CSMD1: variants seen among roughly 807,000 people sequenced by gnomAD.
CSMD1 encodes CUB and sushi domain-containing protein 1.
A neutral mutation model predicts 417.5 loss-of-function variants in CSMD1; 213 were observed. The observed-to-expected ratio is 0.51, with a 90% confidence interval of 0.46 to 0.57. The LOEUF (loss-of-function observed/expected upper bound fraction) is 0.57. Ranked by LOEUF, CSMD1 falls within the 20% of genes least tolerant of loss-of-function variation. CSMD1 has a pLI of 0.00. For missense variants in CSMD1, 6,923 were observed against 4,529.7 expected (o/e 1.53, Z -15.17); for synonymous variants, 2,862 against 1,736.8 (o/e 1.65, Z -16.11).
chr8:3,009,369 A>C (rs605681), intron 52 of CSMD1, among the ~76,000 whole-genome samples: 5,351 of 152,316 alleles, frequency 0.035, 288 homozygotes, highest in African/African-American at 0.12. Context: ...AATACATTAC[A>C]AATATCCTGG....
intron 8 of CSMD1, among the ~76,000 whole-genome samples, chr8:3,591,076 C>T (rs184047250): frequency 3.4e-4 from 51 of 152,224 alleles, no homozygotes; most frequent in Admixed American, 2.6e-3. Flanking sequence ...TACTTTAGTC[C>T]GCCCTAGATT....
chr8:4,477,735 A>T (rs1800881903), intron 2 of CSMD1, among the ~76,000 whole-genome samples: 1 of 152,166 alleles, frequency 6.6e-6, no homozygotes, highest in African/African-American at 2.4e-5. Context: ...ACCAAAAGCC[A>T]TTCTTGTCCA....
At chr8:4,196,422 G>C (rs968361086) in intron 3 of CSMD1, among the ~76,000 whole-genome samples, 1 of 152,096 alleles carries the variant, frequency 6.6e-6, no homozygotes, top group Non-Finnish European at 1.5e-5. Context: ...GGCGTTTTCA[G>C]GCTACAGTCC....
chr8:4,198,077 G>C (rs146458536), intron 3 of CSMD1, among the ~76,000 whole-genome samples: 1 of 152,238 alleles, frequency 6.6e-6, no homozygotes, highest in East Asian at 1.9e-4. Context: ...AGCGCAAAGC[G>C]AGGGAAGTCT....
At chr8:4,459,911 ACAAT>A (rs1487187276) in intron 2 of CSMD1, among the ~76,000 whole-genome samples, 15 of 152,192 alleles carry the variant, frequency 9.9e-5, no homozygotes, top group African/African-American at 3.1e-4. Context: ...TGCCAAATAA[ACAAT>A]CAAACAATAA....
rs899683306 is a variant in CSMD1, at chr8:4,203,971, C to T, written c.416-171872G>A. ...CAAAAATTAGCCAGGTGTGGTGGTG[C>T]ACGCCTGTGGTCCCAGCTACTCGGA... On this transcript the variant is annotated intron_variant, in intron 3 of 69. Coordinates refer to ENST00000635120, the MANE Select transcript of CSMD1 (RefSeq NM_033225.6). Among the ~76,000 whole-genome samples the T allele has an allele frequency of 2.0e-5, 3 of 151,980 alleles. No individual in the cohort carries two copies. The East Asian group carries it at 5.8e-4, about 29-fold the overall frequency.
chr8:4,725,508 C>G (rs1809369774), intron 1 of CSMD1, among the ~76,000 whole-genome samples: 1 of 152,130 alleles, frequency 6.6e-6, no homozygotes, highest in Non-Finnish European at 1.5e-5. Flanking sequence ...AAGGGCATAT[C>G]GCACAGAGAT....
chr8:3,256,862 T>G (rs1800693078), intron 26 of CSMD1, among the ~76,000 whole-genome samples: 1 of 152,334 alleles, frequency 6.6e-6, no homozygotes, highest in East Asian at 1.9e-4. Flanking sequence ...GTAGTTATGT[T>G]AGGAGGAGAT....
intron 1 of CSMD1, among the ~76,000 whole-genome samples, chr8:4,877,540 C>T (rs1261552692): frequency 6.6e-6 from 1 of 152,072 alleles, no homozygotes; most frequent in Non-Finnish European, 1.5e-5. Flanking sequence ...TTCTTCATAT[C>T]AATGCATTGC....
intron 5 of CSMD1, among the ~76,000 whole-genome samples, chr8:3,967,009 T>C (rs185824471): frequency 6.6e-6 from 1 of 152,138 alleles, no homozygotes; most frequent in African/African-American, 2.4e-5. Context: ...GAGTGTCAAT[T>C]GGTGAAATAA....
intron 3 of CSMD1, among the ~76,000 whole-genome samples, chr8:4,281,913 G>A (rs563071404): frequency 6.6e-5 from 10 of 152,280 alleles, no homozygotes; most frequent in African/African-American, 1.7e-4. Flanking sequence ...GTTAAGTGAC[G>A]TTTTGATGAC....
At chr8:3,291,843 CTTAG>C (rs1228963971) in intron 25 of CSMD1, among the ~76,000 whole-genome samples, 10 of 152,124 alleles carry the variant, frequency 6.6e-5, no homozygotes, top group African/African-American at 2.2e-4. Flanking sequence ...CTGCTCCGAT[CTTAG>C]TTATTTCTTG....
intron 5 of CSMD1, among the ~76,000 whole-genome samples, chr8:3,947,134 A>G (rs747539393): frequency 5.9e-5 from 9 of 152,188 alleles, no homozygotes; most frequent in Non-Finnish European, 7.4e-5. Flanking sequence ...TCAGTCTTTC[A>G]TCATTAAGTA....
intron 2 of CSMD1, among the ~76,000 whole-genome samples, chr8:4,472,895 G>C (rs894567777): frequency 1.3e-5 from 2 of 151,768 alleles, no homozygotes; most frequent in African/African-American, 4.8e-5. Context: ...AATTATAGTA[G>C]AAATTTTTGC....
At chr8:4,458,573 G>A (rs918805003) in intron 2 of CSMD1, among the ~76,000 whole-genome samples, 8 of 152,024 alleles carry the variant, frequency 5.3e-5, no homozygotes, top group Admixed American at 3.9e-4. Flanking sequence ...GAAAGACATT[G>A]TAACAGTAAA....
intron 6 of CSMD1, among the ~76,000 whole-genome samples, chr8:3,712,552 C>G (rs1801587400): frequency 6.6e-6 from 1 of 152,210 alleles, no homozygotes; most frequent in South Asian, 2.1e-4. Context: ...TTGAGTCATT[C>G]ATTCTCAGAT....
At chr8:3,616,913 T>G in intron 7 of CSMD1, 116 bp from the exon 8 acceptor site, 1 of 625,868 alleles carries the variant, frequency 1.6e-6, no homozygotes. Context: ...AAATGTGATC[T>G]CCAAAGGAAT....
intron 6 of CSMD1, among the ~76,000 whole-genome samples, chr8:3,722,710 G>C (rs1168685622): frequency 1.3e-5 from 2 of 152,194 alleles, no homozygotes; most frequent in Non-Finnish European, 1.5e-5. Context: ...CTGGATTCTA[G>C]ATTACAAGCG....
chr8:4,350,646 G>C (rs1161986479), intron 3 of CSMD1, among the ~76,000 whole-genome samples: 1 of 152,196 alleles, frequency 6.6e-6, no homozygotes, highest in African/African-American at 2.4e-5. Flanking sequence ...ATTGCGAGTT[G>C]ACTCATGAAA....
Sources: allele counts gnomAD v4.1 joint callset (sites outside exome capture counted in the v4.1 genomes callset), GRCh38; gene constraint gnomAD v4.1.1; transcripts MANE v1.5; gene names NCBI Gene and HGNC (gene_info 2026-07-23, HGNC 2026-07-21).